TBC1D30: variants seen among roughly 807,000 people sequenced by gnomAD.
TBC1D30 encodes TBC1 domain family member 30.
Under a neutral mutation model 63.2 loss-of-function variants are expected in TBC1D30, and 31 were observed. The observed-to-expected ratio is 0.49, with a 90% confidence interval of 0.37 to 0.66. The LOEUF (loss-of-function observed/expected upper bound fraction) is 0.66. Among genes scored for constraint, TBC1D30 ranks in the 30% least tolerant of loss-of-function variants. The pLI, the probability that TBC1D30 is intolerant of heterozygous loss-of-function variation, is 0.00. For missense variants in TBC1D30, 810 were observed against 953.6 expected, an observed-to-expected ratio of 0.85 and a Z score of 1.98; for synonymous variants, 307 against 361.5, an observed-to-expected ratio of 0.85 and a Z score of 1.71.
chr12:64,790,354 T>G (rs563301237), intron 2 of TBC1D30, among the ~76,000 whole-genome samples: 106 of 152,298 alleles, frequency 7.0e-4, no homozygotes, highest in Non-Finnish European at 1.2e-3. Context: ...GTCAGAAGGT[T>G]GATTCTGATG....
At chr12:64,804,815 A>G (rs746414496) in intron 2 of TBC1D30, among the ~76,000 whole-genome samples, 5 of 152,140 alleles carry the variant, frequency 3.3e-5, no homozygotes, top group Non-Finnish European at 4.4e-5. Flanking sequence ...AATCACCCAC[A>G]AAAGGTATAC....
At chr12:64,827,694 C>G in intron 1 of TBC1D30, 141 bp from the exon 2 acceptor site, 1 of 615,892 alleles carries the variant, frequency 1.6e-6, no homozygotes. Context: ...TACCTTTTGG[C>G]AAAATTGACT....
intron 8 of TBC1D30, among the ~76,000 whole-genome samples, chr12:64,864,134 A>C: frequency 6.6e-6 from 1 of 150,992 alleles, no homozygotes; most frequent in Admixed American, 6.6e-5. Flanking sequence ...TAAAAACACC[A>C]CCTAACAATT....
intron 2 of TBC1D30, among the ~76,000 whole-genome samples, chr12:64,809,335 G>A (rs147498083): frequency 1.3e-5 from 2 of 151,640 alleles, no homozygotes; most frequent in African/African-American, 4.8e-5. Context: ...CACTTATAAG[G>A]GAGAACATAT....
chr12:64,817,495 T>C (rs1374592386), intron 2 of TBC1D30, among the ~76,000 whole-genome samples: 9 of 152,316 alleles, frequency 5.9e-5, no homozygotes, highest in Middle Eastern at 6.8e-3. Context: ...GACCTGTGTC[T>C]CTTCACACGT....
chr12:64,772,517 C>A (rs2136279377), intron 1 of TBC1D30, among the ~76,000 whole-genome samples: 1 of 152,126 alleles, frequency 6.6e-6, no homozygotes, highest in South Asian at 2.1e-4. Context: ...GCAACCTCCG[C>A]CTCCCCGGTT....
At position 64,875,861 on chromosome 12, in the gene TBC1D30, A is replaced by G; in HGVS notation, c.*73A>G. Reference sequence around the variant, plus strand: ...AAGGGTTGCAGCTGAATGGCTCTAAAAGAGTTTTATTTGTCCAGTGAAAAT... The same window carrying G: ...AAGGGTTGCAGCTGAATGGCTCTAAGAGAGTTTTATTTGTCCAGTGAAAAT... On this transcript the variant is annotated 3_prime_UTR_variant, in exon 12 of 12. Transcript: ENST00000539867. The G allele has an allele frequency of 7.2e-7, 1 of 1,394,028 alleles. No homozygotes were observed. Among genetic ancestry groups the G allele is most frequent in the South Asian group, 1.5e-5 (1 of 66,402 alleles). 86.4% of individuals were successfully genotyped at this position (1,394,028 alleles called of 1,614,324 possible).
intron 2 of TBC1D30, among the ~76,000 whole-genome samples, chr12:64,788,873 A>G (rs1358057595): frequency 6.6e-6 from 1 of 152,198 alleles, no homozygotes; most frequent in African/African-American, 2.4e-5. Context: ...GTATTTTGAT[A>G]TAGACACTGT....
Position 64,824,998 on chromosome 12 carries a change from G to A in TBC1D30, c.119G>A (p.Arg40Gln). ...CTCAAGAAGCGCAGCTGCATTTCCC[G>A]GACCGCGCCCCGGCTGCTGTGCACC... ...NVLKKRSCIS[R>Q]TAPRLLCTLE... The change falls in exon 1 of 12, where the codon CGG (arginine) becomes CAG (glutamine). Residue 40 changes from arginine to glutamine, a missense_variant. Physicochemically the swap from Arg to Gln is conservative, Grantham distance 43. Transcript: ENST00000539867. 1 of 1,534,200 alleles carries A rather than the reference G, an allele frequency of 6.5e-7. No homozygotes were observed. The highest frequency in any genetic ancestry group is 8.7e-7 in the Non-Finnish European group (1 of 1,146,436).
In TBC1D30 at chr12:64,781,812, A is replaced by G. The variant is rs77601711; in HGVS notation, c.478+526A>G. ...TTTCGAAGCAGAGCGTGTGAATTCT[A>G]TTTCTGCCAGAGCGTACGGTTCCAG... On this transcript the variant is annotated intron_variant, in intron 1 of 12. Coordinates refer to the TBC1D30 transcript ENST00000542120. Among the ~76,000 whole-genome samples the G allele has an allele frequency of 4.0e-4, 61 of 150,970 alleles. No homozygotes were observed. In the East Asian group the frequency reaches 0.012, roughly 29 times the overall value.
chr12:64,780,876 G>T, exon 1 of TBC1D30: 1 of 1,013,632 alleles, frequency 9.9e-7, no homozygotes. Context: ...CGCGGCGGCG[G>T]TGGCGAGGCG....
In TBC1D30 at chr12:64,772,175, TGTG is replaced by T. The variant is rs374231028; in HGVS notation, c.-376+12530_-376+12532del. ...TCGCTTGAACCCAGGAGGAGGAGGT[TGTG>T]GTGAGCCGAGATCGTGCCATTGCAT... On this transcript the variant is annotated intron_variant, in intron 1 of 13. Coordinates refer to the TBC1D30 transcript ENST00000674237. 3.7e-3 allele frequency among the ~76,000 whole-genome samples: 538 copies of T among 146,158 alleles called. 6 individuals carry two copies. The highest frequency in any genetic ancestry group is 0.013 in the African/African-American group (493 of 39,070).
At chr12:64,794,608 AT>A (rs1488702471) in intron 2 of TBC1D30, among the ~76,000 whole-genome samples, 4 of 151,590 alleles carry the variant, frequency 2.6e-5, no homozygotes, top group Non-Finnish European at 5.9e-5. Context: ...TAATTTTTGT[AT>A]TTTTTGTAGA....
intron 2 of TBC1D30, among the ~76,000 whole-genome samples, chr12:64,787,767 G>A (rs1400144728): frequency 2.0e-5 from 3 of 152,174 alleles, no homozygotes; most frequent in African/African-American, 4.8e-5. Flanking sequence ...CGGGCATGGC[G>A]GCTCACGCCT....
At chr12:64,816,139 T>A (rs557908620) in intron 2 of TBC1D30, among the ~76,000 whole-genome samples, 1 of 152,164 alleles carries the variant, frequency 6.6e-6, no homozygotes, top group Admixed American at 6.5e-5. Context: ...TTCAAGCGAT[T>A]CCTGTGCCTC....
At chr12:64,820,363 G>A (rs866865404), upstream of TBC1D30, among the ~76,000 whole-genome samples, 5 of 152,162 alleles carry the variant, frequency 3.3e-5, no homozygotes, top group Non-Finnish European at 7.3e-5. Flanking sequence ...AGGGTATGCC[G>A]AATGGTCCAT....
chr12:64,858,676 T>C (rs1377355466), intron 8 of TBC1D30, among the ~76,000 whole-genome samples: 1 of 152,230 alleles, frequency 6.6e-6, no homozygotes, highest in African/African-American at 2.4e-5. Context: ...CACTTCCTTG[T>C]TACTAACCAC....
chr12:64,836,163 A>G (rs762405973), intron 5 of TBC1D30, among the ~76,000 whole-genome samples: 3 of 152,200 alleles, frequency 2.0e-5, no homozygotes, highest in Non-Finnish European at 4.4e-5. Flanking sequence ...CTGCTGCACA[A>G]GCTTGGGCTT....
chr12:64,843,234 A>G (rs766709350), intron 7 of TBC1D30, 146 bp from the exon 8 acceptor site: 53 of 647,734 alleles, frequency 8.2e-5, no homozygotes, highest in African/African-American at 3.5e-4. Context: ...GCCTCAAGCA[A>G]TCCTCCCGCC....
Sources: gnomAD v4.1 joint callset for allele counts (sites outside exome capture counted in the v4.1 genomes callset) on GRCh38, gnomAD v4.1.1 for gene constraint, MANE v1.5 for transcripts, NCBI Gene and HGNC (gene_info 2026-07-23, HGNC 2026-07-21) for gene names.